MACROD1: variants seen among roughly 807,000 people sequenced by gnomAD.
The protein encoded by MACROD1 is mono-ADP ribosylhydrolase 1.
MACROD1 carries 31 observed loss-of-function variants against 41.4 expected under a neutral mutation model. That is an observed-to-expected ratio of 0.75 (90% CI 0.56 to 1.01). The LOEUF (loss-of-function observed/expected upper bound fraction) is 1.01, where lower values mean the gene tolerates loss of function less well. Among genes scored for constraint, MACROD1 ranks in the 50% least tolerant of loss-of-function variants. The pLI is 0.00. For missense variants in MACROD1, 473 were observed against 460.0 expected (o/e 1.03, Z -0.26); for synonymous variants, 252 against 203.4 (o/e 1.24, Z -2.03).
At chr11:64,139,505 C>A (rs1193714961) in intron 3 of MACROD1, among the ~76,000 whole-genome samples, 1 of 152,198 alleles carries the variant, frequency 6.6e-6, no homozygotes, top group Admixed American at 6.5e-5. Context: ...ATGGAGCTGC[C>A]CCTGCCCTCG....
intron 3 of MACROD1, among the ~76,000 whole-genome samples, chr11:64,046,938 G>C (rs1268251613): frequency 6.6e-6 from 1 of 152,200 alleles, no homozygotes; most frequent in Non-Finnish European, 1.5e-5. Context: ...CTAGCTCTGA[G>C]ACCATCAGTG....
intron 3 of MACROD1, among the ~76,000 whole-genome samples, chr11:64,140,464 C>G (rs561203082): frequency 3.3e-5 from 5 of 152,380 alleles, no homozygotes; most frequent in African/African-American, 1.2e-4. Flanking sequence ...AAGGAGGTGC[C>G]TTCAGCCTGT....
At chr11:64,142,484 G>A (rs1945427169) in intron 3 of MACROD1, among the ~76,000 whole-genome samples, 1 of 152,208 alleles carries the variant, frequency 6.6e-6, no homozygotes, top group South Asian at 2.1e-4. Flanking sequence ...AGCAGGGGAC[G>A]GGGCGGAAGA....
intron 3 of MACROD1, among the ~76,000 whole-genome samples, chr11:64,124,990 C>G (rs1359012766): frequency 6.6e-6 from 1 of 152,200 alleles, no homozygotes; most frequent in Non-Finnish European, 1.5e-5. Flanking sequence ...AAAGCCTCGT[C>G]TTTTCTCCAC....
chr11:64,149,704 C>T (rs1286870103), intron 3 of MACROD1, among the ~76,000 whole-genome samples: 2 of 152,282 alleles, frequency 1.3e-5, no homozygotes, highest in African/African-American at 4.8e-5. Context: ...CAGTACCTCT[C>T]ACACGCTTGC....
At chr11:64,111,622 G>A (rs963612562) in intron 3 of MACROD1, among the ~76,000 whole-genome samples, 1 of 152,202 alleles carries the variant, frequency 6.6e-6, no homozygotes, top group Non-Finnish European at 1.5e-5. Context: ...GGACCTGTGT[G>A]TAGGCGGCAA....
chr11:64,083,516 T>C (rs1466186175), intron 3 of MACROD1, among the ~76,000 whole-genome samples: 2 of 152,216 alleles, frequency 1.3e-5, no homozygotes, highest in South Asian at 4.1e-4. Context: ...CCTGGCTTTT[T>C]TCCATCCCGT....
intron 3 of MACROD1, chr11:64,118,302 A>T: frequency 6.5e-7 from 1 of 1,537,560 alleles, no homozygotes; most frequent in Non-Finnish European, 8.8e-7. Context: ...ATGCCCGCCC[A>T]CCCGGGCTGC....
intron 3 of MACROD1, chr11:64,118,945 T>C (rs539777849): frequency 6.0e-6 from 1 of 166,806 alleles, no homozygotes; most frequent in Admixed American, 6.6e-5. Context: ...AAAAACAAAC[T>C]TTTTTTTCCT....
intron 3 of MACROD1, among the ~76,000 whole-genome samples, chr11:64,017,900 G>A (rs1943103277): frequency 1.3e-5 from 2 of 152,264 alleles, no homozygotes; most frequent in African/African-American, 4.8e-5. Context: ...TGGTAGGGGA[G>A]GGTTGCTGAC....
At chr11:64,121,892 G>T (rs778691420) in intron 3 of MACROD1, among the ~76,000 whole-genome samples, 5 of 151,940 alleles carry the variant, frequency 3.3e-5, no homozygotes, top group Non-Finnish European at 7.4e-5. Flanking sequence ...TGGTTAAGTG[G>T]TTTACCCTTC....
At chr11:64,123,986 CA>C (rs1420264467) in intron 3 of MACROD1, among the ~76,000 whole-genome samples, 1 of 152,192 alleles carries the variant, frequency 6.6e-6, no homozygotes, top group Admixed American at 6.5e-5. Flanking sequence ...TCTCATCCCC[CA>C]GGACACTGAA....
At chr11:64,139,524 G>A (rs1285387945) in intron 3 of MACROD1, among the ~76,000 whole-genome samples, 2 of 152,176 alleles carry the variant, frequency 1.3e-5, no homozygotes, top group South Asian at 2.1e-4. Context: ...CGAGGGGCTC[G>A]GAGTCCTGTG....
intron 1 of MACROD1, among the ~76,000 whole-genome samples, chr11:64,156,974 T>G (rs2096706): frequency 0.11 from 16,032 of 152,272 alleles, 1,099 homozygotes; most frequent in Non-Finnish European, 0.16. Context: ...ACTGCGCCCA[T>G]TCAGCATCTC....
At chr11:64,025,712 C>CCT (rs113719306) in intron 3 of MACROD1, among the ~76,000 whole-genome samples, 48,488 of 146,588 alleles carry the variant, frequency 0.33, 10,082 homozygotes, top group Non-Finnish European at 0.46. Flanking sequence ...TCATGGGCCC[C>CCT]CCCCGCTCCT....
At chr11:64,075,106 G>C (rs996458736) in intron 3 of MACROD1, among the ~76,000 whole-genome samples, 3 of 152,216 alleles carry the variant, frequency 2.0e-5, no homozygotes, top group African/African-American at 7.2e-5. Flanking sequence ...GAAGCACCTT[G>C]GTCTCTCTGG....
chr11:64,074,658 C>T (rs1944169841), intron 3 of MACROD1, among the ~76,000 whole-genome samples: 1 of 152,216 alleles, frequency 6.6e-6, no homozygotes, highest in Admixed American at 6.5e-5. Context: ...ACAGCATGTC[C>T]AAGTAGTGGG....
intron 3 of MACROD1, among the ~76,000 whole-genome samples, chr11:64,098,037 TC>T (rs997221167): frequency 2.6e-5 from 4 of 152,066 alleles, no homozygotes; most frequent in Admixed American, 6.5e-5. Flanking sequence ...CTGTATGAGG[TC>T]CCTACCCCAT....
intron 3 of MACROD1, among the ~76,000 whole-genome samples, chr11:64,054,818 A>ACCCCTT (rs1162580858): frequency 6.6e-6 from 1 of 151,102 alleles, no homozygotes; most frequent in Non-Finnish European, 1.5e-5. Flanking sequence ...TCAAGTGGCC[A>ACCCCTT]CCCCTTCCTT....
Sources: allele counts gnomAD v4.1 joint callset (sites outside exome capture counted in the v4.1 genomes callset), GRCh38; gene constraint gnomAD v4.1.1; transcripts MANE v1.5; gene names NCBI Gene and HGNC (gene_info 2026-07-23, HGNC 2026-07-21).